Variants in PLXND1 observed in about 807,000 individuals in gnomAD.
PLXND1 encodes the protein plexin-D1.
In PLXND1, 54 loss-of-function variants were observed where a neutral mutation model predicts 197.7. The observed-to-expected ratio is 0.27, with a 90% CI of 0.22 to 0.34. The LOEUF (loss-of-function observed/expected upper bound fraction) is 0.34, where lower values mean the gene tolerates loss of function less well. Ranked by LOEUF, PLXND1 falls within the 10% of genes least tolerant of loss-of-function variation. The pLI, the probability that PLXND1 is intolerant of heterozygous loss-of-function variation, is 1.00. For missense variants in PLXND1, 2,127 were observed against 2,699.2 expected (o/e 0.79, Z 4.70); for synonymous variants, 1,180 against 1,161.2 (o/e 1.02, Z -0.33).
rs2084982796 is a variant in PLXND1, at chr3:129,556,926, G to A, written c.5586+157C>T. Reference sequence around the variant, plus strand: ...CCCGCTCCTCAAACTCTGGGAAAATGCATGACGAATTTGCAGGCCAGCAAG... The same window carrying A: ...CCCGCTCCTCAAACTCTGGGAAAATACATGACGAATTTGCAGGCCAGCAAG... On this transcript the variant is annotated intron_variant, in intron 34 of 35. Coordinates refer to ENST00000324093, the MANE Select transcript of PLXND1 (RefSeq NM_015103.3). 13 of 825,196 alleles carry A rather than the reference G, an allele frequency of 1.6e-5. 1 individual carries two copies. The highest frequency in any genetic ancestry group is 2.1e-5 in the Non-Finnish European group (11 of 530,140). The allele number at this position is 825,196 out of a possible 1,614,324, so 51.1% of individuals were successfully genotyped here.
At position 129,605,265 on chromosome 3, in the gene PLXND1, G is replaced by GCCCGCC. The variant is rs562798658; in HGVS notation, c.1311+58_1311+63dup. 3.5e-4 allele frequency: 101 copies of GCCCGCC among 285,200 alleles called. 1 individual carries two copies. The highest frequency in any genetic ancestry group is 2.3e-3 in the East Asian group (33 of 14,384). The allele number at this position is 285,200 out of a possible 1,614,324, so 17.7% of individuals were successfully genotyped here. ...TCAGCTCACGACCCGCTCGGTTCCC[G>GCCCGCC]CCCGCCCCCGCCCCCGCCCCCGCCG... On this transcript the variant is annotated intron_variant, in intron 1 of 35. Transcript: ENST00000324093.
Position 129,563,159 on chromosome 3 carries a change from C to T in PLXND1, c.4603G>A (p.Gly1535Ser). ...TCACTGAGTGTGTAGCGGGCCTTGCCTGTGATGGCGTCGATGGAGCCCTTG... is the reference window on the plus strand; with the variant it reads ...TCACTGAGTGTGTAGCGGGCCTTGCTTGTGATGGCGTCGATGGAGCCCTTG... ...INKGSIDAIT[G>S]KARYTLSEEW... The change falls in exon 26 of 36, where the codon GGC (glycine) becomes AGC (serine). Residue 1535 changes from glycine (G) to serine (S), a missense_variant. Physicochemically the swap from Gly to Ser is moderately conservative, Grantham distance 56. This residue lies in a region of PLXND1 where 532 missense variants were observed against 811.0 expected (regional missense o/e 0.66). Coordinates refer to ENST00000324093, the MANE Select transcript of PLXND1 (RefSeq NM_015103.3). The T allele has an allele frequency of 1.9e-6, 3 of 1,611,958 alleles. No homozygotes were observed. Among genetic ancestry groups the T allele is most frequent in the Non-Finnish European group, 2.5e-6 (3 of 1,179,260 alleles).
chr3:129,557,372 C>A lies in PLXND1; in HGVS notation c.5446-149G>T. The A allele has an allele frequency of 2.5e-6, 2 of 807,718 alleles. No homozygotes were observed. Among genetic ancestry groups the A allele is most frequent in the Admixed American group, 2.7e-5 (1 of 37,088 alleles). 50.0% of individuals were successfully genotyped at this position (807,718 alleles called of 1,614,324 possible). On this transcript the variant is annotated intron_variant, in intron 33 of 35. Coordinates refer to ENST00000324093, the MANE Select transcript of PLXND1 (RefSeq NM_015103.3). The surrounding 1 kb of genome is among the most constrained non-coding windows in gnomAD (Gnocchi z 4.8). ...GAGTCTCACCCGGTCACTGAACGTC[C>A]CCGCACTCAGCCGGCCCCAGACCAG... is the stretch of plus-strand genomic sequence containing the variant.
chr3:129,556,267 G>C lies in PLXND1; in HGVS notation c.*45C>G. 1 of 1,267,246 alleles carries C rather than the reference G, an allele frequency of 7.9e-7. No homozygotes were observed. The highest frequency in any genetic ancestry group is 1.7e-5 in the Admixed American group (1 of 59,354). 78.5% of individuals were successfully genotyped at this position (1,267,246 alleles called of 1,614,324 possible). A position where few individuals can be genotyped will look rare whatever the true frequency, so the allele number is the denominator to read the frequency against. On this transcript the variant is annotated 3_prime_UTR_variant, in exon 36 of 36. Transcript: ENST00000324093. Reference sequence around the variant, plus strand: ...AGAAGATCAAGTTGAGGCCCAGTGGGCGTCCATTTCTCCCAGCAGCAGCCT... The same window carrying C: ...AGAAGATCAAGTTGAGGCCCAGTGGCCGTCCATTTCTCCCAGCAGCAGCCT...
intron 1 of PLXND1, among the ~76,000 whole-genome samples, chr3:129,602,273 G>A (rs949162753): frequency 3.3e-5 from 5 of 152,148 alleles, no homozygotes; most frequent in African/African-American, 1.2e-4. Context: ...TCCCAAGGAC[G>A]GTCTCCCCAG....
At chr3:129,587,010 G>A (rs1472241148) in intron 2 of PLXND1, among the ~76,000 whole-genome samples, 3 of 152,178 alleles carry the variant, frequency 2.0e-5, no homozygotes, top group African/African-American at 7.2e-5. Context: ...AGGCTGTTAG[G>A]CACCATGGCT....
At chr3:129,592,178 G>A (rs559801448) in intron 1 of PLXND1, among the ~76,000 whole-genome samples, 2 of 151,996 alleles carry the variant, frequency 1.3e-5, no homozygotes, top group Non-Finnish European at 2.9e-5. Flanking sequence ...CATCCTGTGT[G>A]TGTTACAGTT....
chr3:129,593,683 G>A (rs1236535567), intron 1 of PLXND1, among the ~76,000 whole-genome samples: 1 of 152,272 alleles, frequency 6.6e-6, no homozygotes, highest in Non-Finnish European at 1.5e-5. Context: ...GTGACTGAGA[G>A]CAACACGGCC....
At chr3:129,564,895 T>G (rs1035980249) in intron 25 of PLXND1, among the ~76,000 whole-genome samples, 1 of 152,242 alleles carries the variant, frequency 6.6e-6, no homozygotes, top group Admixed American at 6.5e-5. Flanking sequence ...GAAGCCACCT[T>G]GAAGCCTTCA....
At chr3:129,596,108 A>T (rs2085618205) in intron 1 of PLXND1, among the ~76,000 whole-genome samples, 3 of 152,104 alleles carry the variant, frequency 2.0e-5, no homozygotes, top group Admixed American at 2.0e-4. Context: ...GGGCTTATGG[A>T]AGGACTGAGC....
intron 1 of PLXND1, among the ~76,000 whole-genome samples, chr3:129,592,610 G>A (rs1002662337): frequency 6.8e-4 from 104 of 151,832 alleles, no homozygotes; most frequent in African/African-American, 2.4e-3. Flanking sequence ...CTGGGAGCCC[G>A]CTCCCCCCTC....
At chr3:129,580,124 C>G (rs1267525468) in intron 8 of PLXND1, among the ~76,000 whole-genome samples, 1 of 152,172 alleles carries the variant, frequency 6.6e-6, no homozygotes, top group Admixed American at 6.5e-5. Flanking sequence ...AAGCAGTTTG[C>G]CTACAGTGGA....
intron 25 of PLXND1, 88 bp downstream of exon 25, chr3:129,565,252 G>C: frequency 8.9e-7 from 1 of 1,122,230 alleles, no homozygotes; most frequent in East Asian, 2.4e-5. Context: ...GAGGGTGCCA[G>C]GGAAGGCCTG....
intron 8 of PLXND1, 143 bp downstream of exon 8, chr3:129,583,424 G>A (rs569620360): frequency 8.4e-5 from 51 of 609,188 alleles, no homozygotes; most frequent in African/African-American, 8.2e-4. Flanking sequence ...TAAACGCACC[G>A]TGGTATGTGA....
At chr3:129,602,241 G>A (rs2085719171) in intron 1 of PLXND1, among the ~76,000 whole-genome samples, 2 of 152,128 alleles carry the variant, frequency 1.3e-5, no homozygotes, top group South Asian at 4.2e-4. Flanking sequence ...TGGCTCCCAG[G>A]ACCCCAGGAT....
Position 129,584,444 on chromosome 3 carries a change from T to C in PLXND1, c.1970A>G (p.Gln657Arg). The C allele has an allele frequency of 1.2e-6, 2 of 1,613,788 alleles. No homozygotes were observed. Among genetic ancestry groups the C allele is most frequent in the Non-Finnish European group, 1.7e-6 (2 of 1,179,970 alleles). Reference sequence around the variant, plus strand: ...CGGCAGGAGGTTGCAGTAGGCAATCTGGTGACCAAAGGCAGGGCCTGGGAC... The same window carrying C: ...CGGCAGGAGGTTGCAGTAGGCAATCCGGTGACCAAAGGCAGGGCCTGGGAC... ...ARVPGPAFGH[Q>R]IAYCNLLPRD... The change falls in exon 6 of 36, where the codon CAG (glutamine) becomes CGG (arginine). Residue 657 changes from glutamine to arginine, a missense_variant. By Grantham distance (43) the Gln-to-Arg change is conservative. Coordinates refer to ENST00000324093, the MANE Select transcript of PLXND1 (RefSeq NM_015103.3).
intron 2 of PLXND1, among the ~76,000 whole-genome samples, chr3:129,588,803 C>T (rs2811456): frequency 0.15 from 22,677 of 152,266 alleles, 1,882 homozygotes; most frequent in East Asian, 0.35. Flanking sequence ...CTGGATTCTG[C>T]GCATCTCCTC....
At position 129,555,395 on chromosome 3, in the gene PLXND1, G is replaced by T. The variant is rs991826213; in HGVS notation, c.*917C>A. The T allele has an allele frequency of 1.3e-5, 8 of 632,836 alleles. No individual in the cohort carries two copies. Among genetic ancestry groups the T allele is most frequent in the Admixed American group, 3.1e-5 (1 of 32,366 alleles). 39.2% of individuals were successfully genotyped at this position (632,836 alleles called of 1,614,324 possible). A position where few individuals can be genotyped will look rare whatever the true frequency, so the allele number is the denominator to read the frequency against. On this transcript the variant is annotated 3_prime_UTR_variant, in exon 36 of 36. Transcript: ENST00000324093. ...AACGGAGTGGGTGGTAGTCTCAGGC[G>T]CCAGGGGCGCTCTGCCAGGTCTGCC...
intron 32 of PLXND1, chr3:129,559,168 A>C: frequency 6.4e-6 from 1 of 157,434 alleles, no homozygotes; most frequent in Non-Finnish European, 1.4e-5. Flanking sequence ...GTGGGGGTGC[A>C]TGACCCCGAC....
Sources: gnomAD v4.1 joint callset for allele counts (sites outside exome capture counted in the v4.1 genomes callset) on GRCh38, gnomAD v4.1.1 for gene constraint, gnomAD v4.1.1 regional missense constraint, Gnocchi (gnomAD v3.1) non-coding constraint, MANE v1.5 for transcripts, NCBI Gene and HGNC (gene_info 2026-07-23, HGNC 2026-07-21) for gene names.